The following DCC variants were observed in gnomAD, a reference collection of about 807,000 sequenced individuals.
The protein encoded by DCC is DCC netrin 1 receptor.
DCC carries 58 observed loss-of-function variants against 172.5 expected under a neutral mutation model. The ratio of observed to expected loss-of-function variants is 0.34; its 90% CI spans 0.27 to 0.42. The LOEUF is 0.42. Ranked by LOEUF, DCC falls within the 10% of genes least tolerant of loss-of-function variation. The pLI is 1.00. For missense variants in DCC, 1,740 were observed against 1,791.0 expected (o/e 0.97, Z 0.51); for synonymous variants, 709 against 644.5 (o/e 1.10, Z -1.52).
chr18:53,037,249 G>A (rs2042107102), intron 5 of DCC, among the ~76,000 whole-genome samples: 1 of 152,006 alleles, frequency 6.6e-6, no homozygotes, highest in African/African-American at 2.4e-5. Context: ...ATGGTGTCAA[G>A]TCCACCTAGG....
chr18:52,917,115 T>TG (rs2040052468), intron 3 of DCC, among the ~76,000 whole-genome samples: 1 of 24,924 alleles, frequency 4.0e-5, no homozygotes, highest in Non-Finnish European at 9.2e-5. Flanking sequence ...AAACCCCGTC[T>TG]CAAAAAAAAA....
intron 5 of DCC, among the ~76,000 whole-genome samples, chr18:53,048,765 C>T (rs751382630): frequency 1.2e-4 from 18 of 151,250 alleles, no homozygotes; most frequent in Admixed American, 7.9e-4. Flanking sequence ...TTTGAGGAAT[C>T]TTCATAATGG....
intron 9 of DCC, among the ~76,000 whole-genome samples, chr18:53,190,764 G>A (rs2055354764): frequency 2.0e-5 from 3 of 152,104 alleles, no homozygotes; most frequent in Non-Finnish European, 2.9e-5. Flanking sequence ...GGCTAACACG[G>A]TGAAACCCCT....
chr18:52,866,173 C>T lies in DCC; in HGVS notation c.413-39871C>T, dbSNP rs548994964. ...GAATCCTTTCCGCACTGCTTGTTTT[C>T]GTTAGGTTTCTTAAAGATCAGAAGG... is the stretch of plus-strand genomic sequence containing the variant. On this transcript the variant is annotated intron_variant, in intron 2 of 28. Transcript: ENST00000442544. Among the ~76,000 whole-genome samples, 7 of 152,148 alleles carry T rather than the reference C, an allele frequency of 4.6e-5. No homozygotes were observed. The South Asian group carries it at 8.3e-4, about 18-fold the overall frequency.
chr18:53,090,688 C>A (rs1221703671), intron 7 of DCC, among the ~76,000 whole-genome samples: 1 of 34,974 alleles, frequency 2.9e-5, no homozygotes, highest in African/African-American at 8.5e-5. Context: ...AGCGAAACTC[C>A]GTCCCCCAAC....
At chr18:53,090,743 C>T (rs940191702) in intron 7 of DCC, among the ~76,000 whole-genome samples, 2 of 66,048 alleles carry the variant, frequency 3.0e-5, no homozygotes, top group East Asian at 3.2e-4. Context: ...AAGAATGTAT[C>T]GTGTTTCTTG....
At chr18:53,132,809 T>C (rs1237676019) in intron 7 of DCC, among the ~76,000 whole-genome samples, 1 of 152,108 alleles carries the variant, frequency 6.6e-6, no homozygotes, top group Non-Finnish European at 1.5e-5. Context: ...TCCACTGATT[T>C]ATGGAGAAGG....
At chr18:53,367,096 A>T (rs191705927) in intron 15 of DCC, among the ~76,000 whole-genome samples, 203 of 152,372 alleles carry the variant, frequency 1.3e-3, no homozygotes, top group Non-Finnish European at 2.4e-3. Flanking sequence ...ACAAGAATGG[A>T]CAAGTATGTG....
At chr18:53,467,774 G>A in intron 24 of DCC, 120 bp from the exon 25 acceptor site, 2 of 762,626 alleles carry the variant, frequency 2.6e-6, no homozygotes, top group East Asian at 2.4e-5. Flanking sequence ...TAACAAGAAG[G>A]TAGATACTAT....
chr18:52,531,507 A>G (rs2144684846), intron 1 of DCC, among the ~76,000 whole-genome samples: 1 of 152,284 alleles, frequency 6.6e-6, no homozygotes, highest in African/African-American at 2.4e-5. Flanking sequence ...TTTGGCATTT[A>G]AAAATATCTA....
Position 52,871,891 on chromosome 18 carries a change from A to T in DCC, c.413-34153A>T, listed in dbSNP as rs147156254. Reference sequence around the variant, plus strand: ...TTAATCAAGATTTTGCAGAGCAAAAAGGGACAATTATTTTTTTCCCTCTGC... The same window carrying T: ...TTAATCAAGATTTTGCAGAGCAAAATGGGACAATTATTTTTTTCCCTCTGC... On this transcript the variant is annotated intron_variant, in intron 2 of 28. Coordinates refer to ENST00000442544, the MANE Select transcript of DCC (RefSeq NM_005215.4). Among the ~76,000 whole-genome samples, 401 of 152,298 alleles carry T rather than the reference A, an allele frequency of 2.6e-3. 5 individuals carry two copies. The highest frequency in any genetic ancestry group is 9.0e-3 in the African/African-American group (374 of 41,572).
chr18:53,355,192 T>G (rs1394474167), intron 15 of DCC, among the ~76,000 whole-genome samples: 1 of 152,130 alleles, frequency 6.6e-6, no homozygotes, highest in Admixed American at 6.5e-5. Context: ...GTAGTATAGT[T>G]TGAAGTCAGG....
chr18:53,468,380 T>TTTTATTTATTTATTTATTTTA lies in DCC; in HGVS notation c.3736+390_3736+391insATTTATTTATTTATTTATTTT, dbSNP rs2045652760. Among the ~76,000 whole-genome samples, 131 of 135,136 alleles carry TTTTATTTATTTATTTATTTTA rather than the reference T, an allele frequency of 9.7e-4. 1 individual carries two copies. Among genetic ancestry groups the TTTTATTTATTTATTTATTTTA allele is most frequent in the East Asian group, 9.1e-3 (45 of 4,950 alleles). The allele number at this position is 135,136 out of a possible 152,430, so 88.7% of individuals were successfully genotyped here. A position where few individuals can be genotyped will look rare whatever the true frequency, so the allele number is the denominator to read the frequency against. On this transcript the variant is annotated intron_variant, in intron 25 of 28. Coordinates refer to ENST00000442544, the MANE Select transcript of DCC (RefSeq NM_005215.4). ...TTTATTTATTTTATTTATTTATTTATTTTATTTATTTATTTATTTTGAGAC... is the reference window on the plus strand; with the variant it reads ...TTTATTTATTTTATTTATTTATTTATTTTATTTATTTATTTATTTTATTTATTTATTTATTTATTTTGAGAC...
chr18:53,330,177 A>G (rs2057514706), intron 14 of DCC, among the ~76,000 whole-genome samples: 1 of 152,220 alleles, frequency 6.6e-6, no homozygotes. Context: ...ATTTTTAAAT[A>G]TAACAAAGAT....
chr18:52,859,051 C>T (rs1464315345), intron 2 of DCC, among the ~76,000 whole-genome samples: 2 of 152,102 alleles, frequency 1.3e-5, no homozygotes, highest in African/African-American at 4.8e-5. Flanking sequence ...GCCTGCCATC[C>T]CAGCACTTTG....
chr18:53,013,698 T>G (rs1267422888), intron 5 of DCC, among the ~76,000 whole-genome samples: 1 of 135,984 alleles, frequency 7.4e-6, no homozygotes, highest in Non-Finnish European at 1.6e-5. Context: ...TCCCAGAACT[T>G]AAAAAAAAAA....
At chr18:53,434,116 G>A (rs1202288778) in intron 21 of DCC, among the ~76,000 whole-genome samples, 1 of 152,136 alleles carries the variant, frequency 6.6e-6, no homozygotes, top group African/African-American at 2.4e-5. Flanking sequence ...GGACTTGAAA[G>A]TTATAGAGAT....
At chr18:52,548,623 A>G (rs189905570) in intron 1 of DCC, among the ~76,000 whole-genome samples, 86 of 152,252 alleles carry the variant, frequency 5.6e-4, no homozygotes, top group African/African-American at 1.9e-3. Context: ...GTGGTTTTCA[A>G]TTCGAAAACT....
At chr18:53,491,012 C>T (rs1599211737) in intron 26 of DCC, among the ~76,000 whole-genome samples, 2 of 152,170 alleles carry the variant, frequency 1.3e-5, no homozygotes, top group Non-Finnish European at 2.9e-5. Flanking sequence ...AGGCACTTTC[C>T]TATTCTCCCT....
Sources: allele counts gnomAD v4.1 joint callset (sites outside exome capture counted in the v4.1 genomes callset), GRCh38; gene constraint gnomAD v4.1.1; transcripts MANE v1.5; gene names NCBI Gene and HGNC (gene_info 2026-07-23, HGNC 2026-07-21).